TNIK: variants seen among roughly 807,000 people sequenced by gnomAD.
TNIK encodes the protein TRAF2 and NCK interacting kinase.
Under a neutral mutation model 191.3 loss-of-function variants are expected in TNIK, and 49 were observed. The observed-to-expected ratio is 0.26, with a 90% CI of 0.20 to 0.32. The LOEUF (loss-of-function observed/expected upper bound fraction) is 0.32. Ranked by LOEUF, TNIK falls within the 10% of genes least tolerant of loss-of-function variation. The probability of loss-of-function intolerance (pLI) is 1.00; values close to 1 mark genes in which losing one functional copy is unlikely to be tolerated. For missense variants in TNIK, 1,155 were observed against 1,702.3 expected (o/e 0.68, Z 5.66); for synonymous variants, 594 against 600.9 (o/e 0.99, Z 0.17).
intron 4 of TNIK, among the ~76,000 whole-genome samples, chr3:171,199,098 T>C (rs1396210404): frequency 1.3e-5 from 2 of 152,150 alleles, no homozygotes; most frequent in African/African-American, 4.8e-5. Flanking sequence ...GGCACTACTG[T>C]CAGTGATTTC....
intron 2 of TNIK, among the ~76,000 whole-genome samples, chr3:171,315,833 A>G (rs898983218): frequency 1.2e-4 from 18 of 151,876 alleles, no homozygotes; most frequent in African/African-American, 4.4e-4. Context: ...ATTAGGACCT[A>G]CTCTAATCAA....
At chr3:171,338,659 GTTTT>G (rs76315440) in intron 2 of TNIK, among the ~76,000 whole-genome samples, 1 of 126,814 alleles carries the variant, frequency 7.9e-6, no homozygotes, top group African/African-American at 2.9e-5. Context: ...CAGCTAAGTT[GTTTT>G]TTTTTTTTTT....
At position 171,423,437 on chromosome 3, in the gene TNIK, C is replaced by T. The variant is rs535773509; in HGVS notation, c.57+36570G>A. Among the ~76,000 whole-genome samples the T allele has an allele frequency of 3.3e-5, 5 of 152,202 alleles. No individual in the cohort carries two copies. The East Asian group carries it at 9.6e-4, about 29-fold the overall frequency. ...GTAATTTATAGATTCAATGCCATCCCCATCAAGCTACCAATGACTTTCTTC... is the reference window on the plus strand; with the variant it reads ...GTAATTTATAGATTCAATGCCATCCTCATCAAGCTACCAATGACTTTCTTC... On this transcript the variant is annotated intron_variant, in intron 1 of 32. Transcript: ENST00000436636.
chr3:171,364,120 A>ATAT (rs1192130471), intron 2 of TNIK, among the ~76,000 whole-genome samples: 1 of 152,220 alleles, frequency 6.6e-6, no homozygotes. Context: ...ATTTATACTT[A>ATAT]TTAAATGTTC....
At chr3:171,439,708 G>A (rs879475923) in intron 1 of TNIK, 26 of 152,260 alleles carry the variant, frequency 1.7e-4, no homozygotes, top group Non-Finnish European at 3.5e-4. Context: ...TGTGACCTGA[G>A]ACTCTATCCT....
chr3:171,284,689 T>C (rs1750831263), intron 2 of TNIK, among the ~76,000 whole-genome samples: 1 of 152,230 alleles, frequency 6.6e-6, no homozygotes, highest in African/African-American at 2.4e-5. Context: ...GCCTTTGTTG[T>C]TTCCCTCAAA....
chr3:171,347,364 A>C, intron 2 of TNIK: 1 of 748,598 alleles, frequency 1.3e-6, no homozygotes, highest in Non-Finnish European at 2.1e-6. Flanking sequence ...GTGCCTGCAG[A>C]GCTGGCCCTC....
chr3:171,193,262 C>A (rs79836184), intron 5 of TNIK, among the ~76,000 whole-genome samples: 1,775 of 152,272 alleles, frequency 0.012, 32 homozygotes, highest in African/African-American at 0.04. Context: ...CAGCTTTGCT[C>A]TTCTTCTTCA....
chr3:171,257,929 C>T (rs567096565), intron 2 of TNIK, among the ~76,000 whole-genome samples: 1 of 152,294 alleles, frequency 6.6e-6, no homozygotes, highest in Non-Finnish European at 1.5e-5. Context: ...GCTGATGAAT[C>T]TCATTCCTGA....
chr3:171,194,515 C>T lies in TNIK; in HGVS notation c.417+10G>A, dbSNP rs778063219. ...TTTGGGAGGTGGGCCAGTCCCCACT[C>T]GTAACCTACCCGTAAGATTTCCCTG... On this transcript the variant is annotated intron_variant, in intron 5 of 32. Coordinates refer to ENST00000436636, the MANE Select transcript of TNIK (RefSeq NM_015028.4). 1.2e-5 allele frequency: 19 copies of T among 1,612,574 alleles called. No individual in the cohort carries two copies. Among genetic ancestry groups the T allele is most frequent in the East Asian group, 4.5e-5 (2 of 44,856 alleles).
chr3:171,290,328 A>G (rs942186715), intron 2 of TNIK, among the ~76,000 whole-genome samples: 1 of 152,228 alleles, frequency 6.6e-6, no homozygotes, highest in African/African-American at 2.4e-5. Context: ...AAGCCAACCC[A>G]GATTTGAATC....
intron 27 of TNIK, among the ~76,000 whole-genome samples, chr3:171,080,745 A>G (rs1405086339): frequency 6.6e-6 from 1 of 152,228 alleles, no homozygotes; most frequent in Non-Finnish European, 1.5e-5. Flanking sequence ...TACCAGCAGA[A>G]GAGAACTTAG....
intron 2 of TNIK, among the ~76,000 whole-genome samples, chr3:171,254,697 T>TAAC (rs1746632142): frequency 6.6e-6 from 1 of 152,178 alleles, no homozygotes; most frequent in South Asian, 2.1e-4. Context: ...CCTTTACAGC[T>TAAC]AACATATAAG....
chr3:171,386,013 C>T (rs1473988469), intron 1 of TNIK, among the ~76,000 whole-genome samples: 2 of 152,186 alleles, frequency 1.3e-5, no homozygotes, highest in African/African-American at 2.4e-5. Flanking sequence ...AACTTGTTTA[C>T]ATCCGTATTC....
chr3:171,149,530 C>A (rs1477643891), intron 12 of TNIK, among the ~76,000 whole-genome samples: 1 of 152,118 alleles, frequency 6.6e-6, no homozygotes, highest in African/African-American at 2.4e-5. Flanking sequence ...GGTGACAAAG[C>A]GGACAAAGTC....
intron 1 of TNIK, among the ~76,000 whole-genome samples, chr3:171,406,483 A>G (rs2108590364): frequency 6.6e-6 from 1 of 152,272 alleles, no homozygotes; most frequent in Admixed American, 6.5e-5. Context: ...AGACTGGAGT[A>G]CAGTGGCACA....
At position 171,318,243 on chromosome 3, in the gene TNIK, G is replaced by A. The variant is rs143968549; in HGVS notation, c.123+51377C>T. 5.3e-5 allele frequency among the ~76,000 whole-genome samples: 8 copies of A among 152,216 alleles called. No individual in the cohort carries two copies. In the South Asian group the frequency reaches 6.2e-4, roughly 12 times the overall value. On this transcript the variant is annotated intron_variant, in intron 2 of 32. Coordinates refer to ENST00000436636, the MANE Select transcript of TNIK (RefSeq NM_015028.4). ...TTCCAGCCTTCTAAATCAGACAGTT[G>A]CATAATTATTTAACATGAGTGTTTC...
chr3:171,098,772 C>G (rs1182658677), intron 22 of TNIK, among the ~76,000 whole-genome samples: 1 of 151,986 alleles, frequency 6.6e-6, no homozygotes, highest in Non-Finnish European at 1.5e-5. Context: ...ACTCTGGCCC[C>G]CAAATACTCA....
At chr3:171,157,787 T>C (rs1473962757) in intron 11 of TNIK, 123 bp from the exon 12 acceptor site, 4 of 939,348 alleles carry the variant, frequency 4.3e-6, no homozygotes, top group Non-Finnish European at 1.6e-6. Flanking sequence ...GAGCACAGGC[T>C]CCTAGATCCT....
Sources: allele counts gnomAD v4.1 joint callset (sites outside exome capture counted in the v4.1 genomes callset), GRCh38; gene constraint gnomAD v4.1.1; transcripts MANE v1.5; gene names NCBI Gene and HGNC (gene_info 2026-07-23, HGNC 2026-07-21).